VASP: variants seen among roughly 807,000 people sequenced by gnomAD.
VASP encodes the protein vasodilator stimulated phosphoprotein.
In VASP, 27 loss-of-function variants were observed where a neutral mutation model predicts 54.4. The observed-to-expected ratio is 0.50, with a 90% CI of 0.37 to 0.68. The LOEUF is 0.68. Ranked by LOEUF, VASP falls within the 30% of genes least tolerant of loss-of-function variation. VASP has a pLI of 0.00. For missense variants in VASP, 488 were observed against 528.3 expected, an observed-to-expected ratio of 0.92 and a Z score of 0.75; for synonymous variants, 233 against 209.8, an observed-to-expected ratio of 1.11 and a Z score of -0.96.
chr19:45,523,565 A>G, intron 7 of VASP, 79 bp from the exon 8 acceptor site: 1 of 1,518,566 alleles, frequency 6.6e-7, no homozygotes, highest in African/African-American at 1.4e-5. Context: ...ATGCGCTAGG[A>G]TCTACATTTC....
chr19:45,508,511 G>C (rs921400473), intron 1 of VASP, among the ~76,000 whole-genome samples: 10 of 152,154 alleles, frequency 6.6e-5, no homozygotes, highest in Admixed American at 6.5e-4. Context: ...CCATAAGGGC[G>C]GCCCGGCTCC....
chr19:45,523,083 T>C (rs536558891), intron 7 of VASP, among the ~76,000 whole-genome samples: 28 of 151,704 alleles, frequency 1.8e-4, no homozygotes, highest in Middle Eastern at 3.4e-3. Context: ...GTTCCTGCAA[T>C]CTCAGTGTTC....
Position 45,524,052 on chromosome 19 carries a change from G to A in VASP, c.911-45G>A, listed in dbSNP as rs374434348. On this transcript the variant is annotated intron_variant, in intron 9 of 12. Coordinates refer to ENST00000245932, the MANE Select transcript of VASP (RefSeq NM_003370.4). The stretch of plus-strand genomic sequence containing the variant: ...TTGGGGGAGTAAGATTGATTGGGGG[G>A]CAGTCTTTTGTCCCTGATCTTTCTG... The A allele has an allele frequency of 1.4e-4, 221 of 1,610,358 alleles. No individual in the cohort carries two copies. The African/African-American group carries it at 2.8e-3, about 20-fold the overall frequency.
At chr19:45,510,743 G>A (rs1166836510) in intron 1 of VASP, among the ~76,000 whole-genome samples, 3 of 152,024 alleles carry the variant, frequency 2.0e-5, no homozygotes, top group African/African-American at 7.2e-5. Flanking sequence ...GAACAGCCTG[G>A]GCAATATGGT....
chr19:45,507,750 G>A lies in VASP; in HGVS notation c.-22G>A. The A allele has an allele frequency of 4.0e-6, 6 of 1,510,838 alleles. No homozygotes were observed. Among genetic ancestry groups the A allele is most frequent in the Non-Finnish European group, 5.3e-6 (6 of 1,136,744 alleles). The allele number at this position is 1,510,838 out of a possible 1,614,324, so 93.6% of individuals were successfully genotyped here. A position where few individuals can be genotyped will look rare whatever the true frequency, so the allele number is the denominator to read the frequency against. ...CCGGGAGCAGCCAGCCCGTGGGCGAGCCGCCCGCCCGCCGAGCAGCCATGA... is the reference window on the plus strand; with the variant it reads ...CCGGGAGCAGCCAGCCCGTGGGCGAACCGCCCGCCCGCCGAGCAGCCATGA... On this transcript the variant is annotated 5_prime_UTR_variant, in exon 1 of 13. Transcript: ENST00000245932. This position sits in a 1 kb window ranked among gnomAD's most constrained non-coding sequence, Gnocchi z 4.4.
At chr19:45,516,116 G>A (rs4625826) in intron 1 of VASP, among the ~76,000 whole-genome samples, 1,708 of 152,272 alleles carry the variant, frequency 0.011, 28 homozygotes, top group African/African-American at 0.036. Context: ...TGGGGCAGGC[G>A]TTCCTTCAGG....
At chr19:45,524,450 A>G in intron 10 of VASP, 120 bp from the exon 11 acceptor site, 1 of 1,073,688 alleles carries the variant, frequency 9.3e-7, no homozygotes, top group East Asian at 2.4e-5. Flanking sequence ...GGGGCCCCAA[A>G]AATACTTGGA....
rs1449793712 is a variant in VASP at position 45,526,163 on chromosome 19, C to T, written c.1129C>T (p.Arg377Trp). The T allele has an allele frequency of 5.0e-6, 8 of 1,613,140 alleles. No homozygotes were observed. Among genetic ancestry groups the T allele is most frequent in the South Asian group, 1.1e-5 (1 of 90,998 alleles). The change falls in exon 13 of 13, where the codon CGG (arginine) becomes TGG (tryptophan). Residue 377 changes from arginine to tryptophan, a missense_variant. Physicochemically the swap from Arg to Trp is moderately radical, Grantham distance 101. This residue lies in a region of VASP where 126 missense variants were observed against 134.8 expected (regional missense o/e 0.94). Coordinates refer to ENST00000245932, the MANE Select transcript of VASP (RefSeq NM_003370.4). ...IEAFVQELRKRGSP is the reference protein window; with the variant it reads ...IEAFVQELRKWGSP ...AGCCTTCGTCCAGGAGCTGAGGAAG[C>T]GGGGTTCTCCCTGACCACAGGGACC...
chr19:45,510,698 C>T (rs1400707733), intron 1 of VASP, among the ~76,000 whole-genome samples: 1 of 152,034 alleles, frequency 6.6e-6, no homozygotes, highest in African/African-American at 2.4e-5. Context: ...TTTGGGAGGC[C>T]AAGGCAGAAG....
chr19:45,523,455 A>G (rs975113894), intron 7 of VASP, among the ~76,000 whole-genome samples, 189 bp from the exon 8 acceptor site: 1 of 152,000 alleles, frequency 6.6e-6, no homozygotes, highest in Admixed American at 6.6e-5. Context: ...CACCTGCTTC[A>G]GCCTCTCAAA....
intron 3 of VASP, among the ~76,000 whole-genome samples, chr19:45,519,922 T>TTTTTTTTTTTTTA (rs57222956): frequency 9.8e-6 from 1 of 102,258 alleles, no homozygotes; most frequent in Non-Finnish European, 1.8e-5. Context: ...TTTTTTTTTT[T>TTTTTTTTTTTTTA]AATATGGAGT....
chr19:45,517,879 G>GCC, intron 2 of VASP, 45 bp downstream of exon 2: 2 of 1,035,016 alleles, frequency 1.9e-6, no homozygotes, highest in Non-Finnish European at 1.4e-6. Flanking sequence ...ACCCCTACCC[G>GCC]CCCCACCCCT....
chr19:45,524,537 C>A (rs1968917388), intron 10 of VASP, 33 bp from the exon 11 acceptor site: 3 of 1,600,360 alleles, frequency 1.9e-6, no homozygotes, highest in Non-Finnish European at 2.6e-6. Context: ...TCTCTAATCT[C>A]ATTGCTGTCC....
intron 3 of VASP, 56 bp downstream of exon 3, chr19:45,518,150 C>G: frequency 1.3e-6 from 2 of 1,576,206 alleles, no homozygotes; most frequent in Non-Finnish European, 1.7e-6. Context: ...TGGCCTGGGG[C>G]TGCCGCTTTA....
intron 11 of VASP, chr19:45,525,005 A>G: frequency 4.1e-6 from 1 of 243,280 alleles, no homozygotes; most frequent in Non-Finnish European, 8.3e-6. Context: ...GGCTCCAAGG[A>G]TCCAGAATTC....
intron 1 of VASP, among the ~76,000 whole-genome samples, chr19:45,512,377 C>T (rs1968616808): frequency 6.6e-6 from 1 of 151,386 alleles, no homozygotes; most frequent in Non-Finnish European, 1.5e-5. Context: ...CAACCTCCAC[C>T]TCCCAGGTTC....
intron 7 of VASP, among the ~76,000 whole-genome samples, 160 bp downstream of exon 7, chr19:45,522,978 C>T (rs1317054132): frequency 6.6e-6 from 1 of 152,098 alleles, no homozygotes; most frequent in Admixed American, 6.6e-5. Flanking sequence ...CATGAAATGC[C>T]TGAGGCTTGC....
chr19:45,526,132 C>T lies in VASP; in HGVS notation c.1106-8C>T, dbSNP rs781376153. 1.1e-5 allele frequency: 17 copies of T among 1,613,780 alleles called. No individual in the cohort carries two copies. The East Asian group carries it at 2.0e-4, about 19-fold the overall frequency. On this transcript the variant is annotated splice_polypyrimidine_tract_variant and splice_region_variant and intron_variant, in intron 12 of 12. Coordinates refer to ENST00000245932, the MANE Select transcript of VASP (RefSeq NM_003370.4). Reference sequence around the variant, plus strand: ...TGCCCCTGACCTCTGCTCCTTGTTTCCTTCCAGCCTTCGTCCAGGAGCTGA... The same window carrying T: ...TGCCCCTGACCTCTGCTCCTTGTTTTCTTCCAGCCTTCGTCCAGGAGCTGA...
At chr19:45,512,479 G>T (rs1250628206) in intron 1 of VASP, among the ~76,000 whole-genome samples, 2 of 152,010 alleles carry the variant, frequency 1.3e-5, no homozygotes, top group African/African-American at 4.8e-5. Context: ...GTAGAGACAG[G>T]GTTTCACCAT....
Sources: gnomAD v4.1 joint callset for allele counts (sites outside exome capture counted in the v4.1 genomes callset) on GRCh38, gnomAD v4.1.1 for gene constraint, gnomAD v4.1.1 regional missense constraint, Gnocchi (gnomAD v3.1) non-coding constraint, MANE v1.5 for transcripts, NCBI Gene and HGNC (gene_info 2026-07-23, HGNC 2026-07-21) for gene names.